EME1: variants seen among roughly 807,000 people sequenced by gnomAD.
The protein encoded by EME1 is essential meiotic structure-specific endonuclease 1.
In EME1, 61 loss-of-function variants were observed where a neutral mutation model predicts 59.1. That is an observed-to-expected ratio of 1.03 (90% confidence interval 0.84 to 1.28). The LOEUF is 1.28. EME1 is among the 50% of genes most tolerant of loss of function. The pLI is 0.00. For synonymous variants in EME1, 230 were observed against 254.2 expected (o/e 0.90, Z 0.90); for missense variants, 635 against 682.6 (o/e 0.93, Z 0.78).
chr17:50,377,760 C>T (rs1475506270), intron 3 of EME1, among the ~76,000 whole-genome samples: 2 of 145,556 alleles, frequency 1.4e-5, no homozygotes, highest in African/African-American at 2.5e-5. Flanking sequence ...TTTTTTCTCT[C>T]TTTTTTTTTT....
chr17:50,376,542 A>G (rs574818771), intron 3 of EME1, among the ~76,000 whole-genome samples: 1 of 152,036 alleles, frequency 6.6e-6, no homozygotes, highest in Admixed American at 6.6e-5. Flanking sequence ...CTACTAATGT[A>G]CCCCTCTCAG....
rs1913422979 is a variant in EME1 at position 50,375,686 on chromosome 17, G to A, written c.478G>A (p.Asp160Asn). The A allele has an allele frequency of 6.2e-7, 1 of 1,614,056 alleles. No individual in the cohort carries two copies. The highest frequency in any genetic ancestry group is 1.1e-5 in the South Asian group (1 of 91,074). Reference protein sequence around the residue: ...TPERSAADNKDLILDPCCQLP... With the variant: ...TPERSAADNKNLILDPCCQLP... Reference sequence around the variant, plus strand: ...AGAGAGGAGTGCAGCAGATAACAAGGACCTGATCTTAGATCCATGCTGTCA... The same window carrying A: ...AGAGAGGAGTGCAGCAGATAACAAGAACCTGATCTTAGATCCATGCTGTCA... Residue 160 changes from aspartate (D) to asparagine (N), a missense_variant, in exon 2 of 9, where the codon GAC (aspartate) becomes AAC (asparagine). By Grantham distance (23) the Asp-to-Asn change is conservative. Coordinates refer to ENST00000338165, the MANE Select transcript of EME1 (RefSeq NM_152463.4).
chr17:50,379,198 A>G lies in EME1; in HGVS notation c.1204A>G (p.Met402Val), dbSNP rs200618859. ...QRQPEASIGS[M>V]VSRVDAEEAL... ...ACAACCAGAGGCCAGCATAGGGTCC[A>G]TGGTATCCAGGGTAGACGCTGAAGA... Residue 402 changes from methionine (M) to valine (V), a missense_variant, in exon 6 of 9, where the codon ATG (methionine) becomes GTG (valine). Met to Val is a conservative substitution (Grantham distance 21, BLOSUM62 1). Coordinates refer to ENST00000338165, the MANE Select transcript of EME1 (RefSeq NM_152463.4). 52 of 1,614,212 alleles carry G rather than the reference A, an allele frequency of 3.2e-5. No homozygotes were observed. Among genetic ancestry groups the G allele is most frequent in the African/African-American group, 6.7e-5 (5 of 75,058 alleles).
rs150413204 is a variant in EME1 at position 50,379,159 on chromosome 17, A to C, written c.1165A>C (p.Lys389Gln). The change falls in exon 6 of 9, where the codon AAG (lysine) becomes CAG (glutamine). Residue 389 changes from lysine to glutamine, a missense_variant. Coordinates refer to ENST00000338165, the MANE Select transcript of EME1 (RefSeq NM_152463.4). ...GKQGANKQTK[K>Q]QQQRQPEASI... is the part of the protein sequence containing the mutation. Reference sequence around the variant, plus strand: ...ACAGGGAGCAAATAAACAGACCAAGAAGCAGCAGCAGAGACAACCAGAGGC... The same window carrying C: ...ACAGGGAGCAAATAAACAGACCAAGCAGCAGCAGCAGAGACAACCAGAGGC... The C allele has an allele frequency of 7.7e-5, 125 of 1,614,218 alleles. 1 individual carries two copies. The highest frequency in any genetic ancestry group is 3.3e-4 in the East Asian group (15 of 44,888).
intron 5 of EME1, 81 bp from the exon 6 acceptor site, chr17:50,379,026 G>A (rs759585646): frequency 6.2e-7 from 1 of 1,613,048 alleles, no homozygotes; most frequent in South Asian, 1.1e-5. Flanking sequence ...CCAGGGGGAT[G>A]CTCTGGTCCA....
intron 5 of EME1, 76 bp from the exon 6 acceptor site, chr17:50,379,031 G>A (rs950555948): frequency 1.9e-6 from 3 of 1,613,208 alleles, no homozygotes; most frequent in Non-Finnish European, 2.5e-6. Context: ...GGGATGCTCT[G>A]GTCCAGTCTT....
intron 1 of EME1, among the ~76,000 whole-genome samples, chr17:50,374,296 C>T (rs1003889449): frequency 6.6e-6 from 1 of 152,056 alleles, no homozygotes; most frequent in East Asian, 1.9e-4. Context: ...GGAGTGCAGT[C>T]GTACAATCAC....
chr17:50,381,234 A>AC lies in EME1; in HGVS notation c.*296dup. ...GCCCTCAAAACACAAAGGAACAAAG[A>AC]CAGTCCACTCAGACACTTATTTAAT... On this transcript the variant is annotated 3_prime_UTR_variant, in exon 9 of 9. Transcript: ENST00000338165. 2.7e-6 allele frequency: 1 copy of AC among 369,940 alleles called. No individual in the cohort carries two copies. The allele number at this position is 369,940 out of a possible 1,614,324, so 22.9% of individuals were successfully genotyped here.
chr17:50,381,002 G>T lies in EME1; in HGVS notation c.*63G>T. On this transcript the variant is annotated 3_prime_UTR_variant, in exon 9 of 9. Coordinates refer to ENST00000338165, the MANE Select transcript of EME1 (RefSeq NM_152463.4). ...TTCCACTTCCCCAACCTCAGAGCCT[G>T]ACTGTAATGAAGAGACTGGCAGCAC... 1.3e-6 allele frequency: 2 copies of T among 1,581,020 alleles called. No homozygotes were observed. Among genetic ancestry groups the T allele is most frequent in the South Asian group, 2.2e-5 (2 of 89,684 alleles).
chr17:50,380,413 G>T lies in EME1; in HGVS notation c.1448G>T (p.Arg483Met), dbSNP rs772477729. ...GGCAGGGGACTCGCACTAGTCTGGA[G>T]GAGACAGATTCAGCAGCTGAACCGA... ...LAGRGLALVW[R>M]RQIQQLNRVS... Residue 483 changes from arginine (R) to methionine (M), a missense_variant, in exon 8 of 9, where the codon AGG becomes ATG. Coordinates refer to ENST00000338165, the MANE Select transcript of EME1 (RefSeq NM_152463.4). 9 of 1,614,216 alleles carry T rather than the reference G, an allele frequency of 5.6e-6. No homozygotes were observed. Among genetic ancestry groups the T allele is most frequent in the Non-Finnish European group, 6.8e-6 (8 of 1,180,038 alleles).
Position 50,376,049 on chromosome 17 carries a change from T to A in EME1, c.776-17T>A. ...TTCTGGACCCCCCACTGACAGTCCCTTTTCCATCTGTTGCAGTGCTCTTAC... is the reference window on the plus strand; with the variant it reads ...TTCTGGACCCCCCACTGACAGTCCCATTTCCATCTGTTGCAGTGCTCTTAC... On this transcript the variant is annotated splice_polypyrimidine_tract_variant and intron_variant, in intron 2 of 8. Transcript: ENST00000338165. The A allele has an allele frequency of 6.2e-7, 1 of 1,610,886 alleles. No individual in the cohort carries two copies. The highest frequency in any genetic ancestry group is 8.5e-7 in the Non-Finnish European group (1 of 1,177,714).
At chr17:50,373,339 G>A (rs1913260036) in intron 1 of EME1, 62 bp downstream of exon 1, 21 of 874,420 alleles carry the variant, frequency 2.4e-5, no homozygotes, top group Non-Finnish European at 3.7e-5. Flanking sequence ...ACACCGCTCT[G>A]CAGAATCTTG....
At chr17:50,378,572 C>T (rs201854435) in intron 3 of EME1, 23 bp from the exon 4 acceptor site, 1 of 1,612,482 alleles carries the variant, frequency 6.2e-7, no homozygotes, top group African/African-American at 1.3e-5. Context: ...CCTCCCTGTG[C>T]TGTGTTCTGG....
At chr17:50,379,068 C>T (rs1913636469) in intron 5 of EME1, 39 bp from the exon 6 acceptor site, 2 of 1,614,076 alleles carry the variant, frequency 1.2e-6, no homozygotes. Context: ...CTGACTTCAG[C>T]CTGGAGCTGC....
rs760466326 is a variant in EME1 at position 50,376,233 on chromosome 17, CTTACAA to C, written c.903+46_903+51del. 22 of 1,601,698 alleles carry C rather than the reference CTTACAA, an allele frequency of 1.4e-5. No homozygotes were observed. In the South Asian group the frequency reaches 2.3e-4, roughly 17 times the overall value. On this transcript the variant is annotated intron_variant, in intron 3 of 8. Coordinates refer to ENST00000338165, the MANE Select transcript of EME1 (RefSeq NM_152463.4). ...GCTGACATTTCCTCCCTCTCCTCCCCTTACAATTACAGGATAAATATGCTTTTATTT... is the reference window on the plus strand; with the variant it reads ...GCTGACATTTCCTCCCTCTCCTCCCCTTACAGGATAAATATGCTTTTATTT...
Position 50,376,205 on chromosome 17 carries a change from C to T in EME1, c.903+12C>T. 6.2e-7 allele frequency: 1 copy of T among 1,609,584 alleles called. No individual in the cohort carries two copies. Among genetic ancestry groups the T allele is most frequent in the South Asian group, 1.1e-5 (1 of 90,968 alleles). ...CTGGGCCGTCTGAGGTAGGAGTTTT[C>T]TGGCTGACATTTCCTCCCTCTCCTC... is the stretch of plus-strand genomic sequence containing the variant. On this transcript the variant is annotated intron_variant, in intron 3 of 8. Transcript: ENST00000338165.
rs945197788 is a variant in EME1, at chr17:50,381,243, TCAGA to T, written c.*307_*310del. Reference sequence around the variant, plus strand: ...ACACAAAGGAACAAAGACAGTCCACTCAGACACTTATTTAATAACTGTAGAAATC... The same window carrying T: ...ACACAAAGGAACAAAGACAGTCCACTCACTTATTTAATAACTGTAGAAATC... On this transcript the variant is annotated 3_prime_UTR_variant, in exon 9 of 9. Transcript: ENST00000338165. 3 of 326,348 alleles carry T rather than the reference TCAGA, an allele frequency of 9.2e-6. No individual in the cohort carries two copies. Among genetic ancestry groups the T allele is most frequent in the Admixed American group, 4.4e-5 (1 of 22,676 alleles). The allele number at this position is 326,348 out of a possible 1,614,324, so 20.2% of individuals were successfully genotyped here.
In EME1 at chr17:50,380,783, G is replaced by A. The variant is rs541502768; in HGVS notation, c.1557G>A (p.Ser519=). 52 of 1,614,138 alleles carry A rather than the reference G, an allele frequency of 3.2e-5. 1 individual carries two copies. In the East Asian group the frequency reaches 4.2e-4, roughly 13 times the overall value. Residue 519 remains serine (S), a synonymous_variant, in exon 9 of 9, where the codon TCG becomes TCA. Transcript: ENST00000338165. ...LLVQAYQQCF[S]DKERQNLLAD... The stretch of plus-strand genomic sequence containing the variant: ...TCCAGGCTTATCAGCAGTGTTTTTC[G>A]GATAAAGAACGCCAGAATTTGCTCG...
intron 1 of EME1, 35 bp downstream of exon 1, chr17:50,373,312 C>T: frequency 8.8e-7 from 1 of 1,137,926 alleles, no homozygotes; most frequent in South Asian, 1.4e-5. Context: ...GCGGATTGGG[C>T]AGGGCTTCCC....
Sources: allele counts gnomAD v4.1 joint callset (sites outside exome capture counted in the v4.1 genomes callset), GRCh38; gene constraint gnomAD v4.1.1; transcripts MANE v1.5; gene names NCBI Gene and HGNC (gene_info 2026-07-23, HGNC 2026-07-21).